The following DNAH1 variants were observed in gnomAD, a reference collection of about 807,000 sequenced individuals.
The protein encoded by DNAH1 is dynein axonemal heavy chain 1.
Under a neutral mutation model 484.3 loss-of-function variants are expected in DNAH1, and 327 were observed. That is an observed-to-expected ratio of 0.68 (90% CI 0.62 to 0.74). The LOEUF is 0.74. DNAH1 is among the 30% of genes least tolerant of loss of function. DNAH1 has a pLI of 0.00. For missense variants in DNAH1, 5,052 were observed against 5,546.8 expected, an observed-to-expected ratio of 0.91 and a Z score of 2.83; for synonymous variants, 2,192 against 2,191.9, an observed-to-expected ratio of 1.00 and a Z score of 0.00.
intron 53 of DNAH1, 130 bp from the exon 54 acceptor site, chr3:52,385,197 TCTGGGGTCGG>T: frequency 9.8e-7 from 1 of 1,019,278 alleles, no homozygotes; most frequent in Non-Finnish European, 1.4e-6. Flanking sequence ...ATGCCCTTCC[TCTGGGGTCGG>T]CTGGGCAATG....
At chr3:52,340,221 T>G (rs1322520338) in intron 8 of DNAH1, among the ~76,000 whole-genome samples, 3 of 152,138 alleles carry the variant, frequency 2.0e-5, no homozygotes, top group African/African-American at 7.2e-5. Context: ...TAGCTGGGAC[T>G]ACAGGCATGT....
rs1430619528 is a variant in DNAH1, at chr3:52,353,160, A to G, written c.3085A>G (p.Thr1029Ala). The change falls in exon 19 of 78, where the codon ACA becomes GCA. Residue 1029 changes from threonine to alanine, a missense_variant. Thr to Ala is a moderately conservative substitution (Grantham distance 58). This residue lies in a region of DNAH1 where 2,929 missense variants were observed against 3,409.4 expected (regional missense o/e 0.86). Coordinates refer to ENST00000420323, the MANE Select transcript of DNAH1 (RefSeq NM_015512.5). The surrounding 1 kb of genome is among the most constrained non-coding windows in gnomAD (Gnocchi z 5.0). ...EFQPYLDLWTTASDWLRWSES... is the reference protein window; with the variant it reads ...EFQPYLDLWTAASDWLRWSES... Reference sequence around the variant, plus strand: ...CCAACCCTACCTGGACCTTTGGACCACAGCGTCTGACTGGCTGCGCTGGTC... The same window carrying G: ...CCAACCCTACCTGGACCTTTGGACCGCAGCGTCTGACTGGCTGCGCTGGTC... 6.2e-7 allele frequency: 1 copy of G among 1,614,004 alleles called. No individual in the cohort carries two copies. The highest frequency in any genetic ancestry group is 8.5e-7 in the Non-Finnish European group (1 of 1,179,894).
At chr3:52,322,313 TG>T in intron 1 of DNAH1, 95 bp from the exon 2 acceptor site, 1 of 786,852 alleles carries the variant, frequency 1.3e-6, no homozygotes, top group Non-Finnish European at 2.0e-6. Context: ...GGTCATGGGC[TG>T]GGGCTTGTGG....
intron 13 of DNAH1, 38 bp from the exon 14 acceptor site, chr3:52,349,157 C>T (rs765821708): frequency 1.2e-5 from 19 of 1,611,698 alleles, no homozygotes; most frequent in Admixed American, 5.0e-5. Flanking sequence ...ACCCTGCTCA[C>T]CATCCTCTGC....
Position 52,379,851 on chromosome 3 carries a change from G to A in DNAH1, c.7378-54G>A. On this transcript the variant is annotated intron_variant, in intron 47 of 77. Transcript: ENST00000420323. This position sits in a 1 kb window ranked among gnomAD's most constrained non-coding sequence, Gnocchi z 4.4. ...CCCTCCCTTGCCTGGTGGTTTGAGA[G>A]ATAGCTGAGGGCTTGGGGGCCAAGG... 1 of 1,487,644 alleles carries A rather than the reference G, an allele frequency of 6.7e-7. No homozygotes were observed. The highest frequency in any genetic ancestry group is 9.1e-7 in the Non-Finnish European group (1 of 1,099,712). 92.2% of individuals were successfully genotyped at this position (1,487,644 alleles called of 1,614,324 possible).
intron 56 of DNAH1, among the ~76,000 whole-genome samples, chr3:52,387,492 CA>C (rs2153225403): frequency 6.6e-6 from 1 of 152,332 alleles, no homozygotes; most frequent in Non-Finnish European, 1.5e-5. Flanking sequence ...GTGTCAGTAT[CA>C]GGCCCTGGGC....
chr3:52,362,818 A>T lies in DNAH1; in HGVS notation c.5095-177A>T, dbSNP rs139304269. Among the ~76,000 whole-genome samples the T allele has an allele frequency of 3.3e-5, 5 of 152,250 alleles. No homozygotes were observed. The highest frequency in any genetic ancestry group is 1.2e-4 in the African/African-American group (5 of 41,532). On this transcript the variant is annotated intron_variant, in intron 31 of 77. Transcript: ENST00000420323. The surrounding 1 kb of genome is among the most constrained non-coding windows in gnomAD (Gnocchi z 5.1). Reference sequence around the variant, plus strand: ...GTCATGTGGGGGCAGGTTTGGATCAACACCAAGGATCCACTCTAATGGCAG... The same window carrying T: ...GTCATGTGGGGGCAGGTTTGGATCATCACCAAGGATCCACTCTAATGGCAG...
rs556372594 is a variant in DNAH1 at position 52,322,468 on chromosome 3, A to G, written c.26A>G (p.Tyr9Cys). 6.2e-7 allele frequency: 1 copy of G among 1,612,510 alleles called. No homozygotes were observed. Among genetic ancestry groups the G allele is most frequent in the African/African-American group, 1.3e-5 (1 of 74,926 alleles). ...ATGGAGCAGCCTAACAGTAAAGGCT[A>G]TAGCCTGGGAAGGACCCCTCAGGGC... MEQPNSKG[Y>C]SLGRTPQGPE... The change falls in exon 2 of 78, where the codon TAT becomes TGT. Residue 9 changes from tyrosine (Y) to cysteine (C), a missense_variant. Around this residue, in one of 4 missense-constraint regions of DNAH1, gnomAD observed 1,263 missense variants for 1,218.8 expected, o/e 1.04. Coordinates refer to ENST00000420323, the MANE Select transcript of DNAH1 (RefSeq NM_015512.5).
rs570920116 is a variant in DNAH1 at position 52,397,365 on chromosome 3, G to A, written c.11787+321G>A. 8.5e-5 allele frequency among the ~76,000 whole-genome samples: 13 copies of A among 152,290 alleles called. No individual in the cohort carries two copies. In the South Asian group the frequency reaches 2.7e-3, roughly 32 times the overall value. On this transcript the variant is annotated intron_variant, in intron 73 of 77. Transcript: ENST00000420323. ...CAGGGAGGGCTGCCACAGAAATGAT[G>A]CTTCCCCTAAGATGTGTGAGGAGAA...
Position 52,344,503 on chromosome 3 carries a change from C to G in DNAH1, c.1300C>G (p.Leu434Val), listed in dbSNP as rs1342526237. 2 of 1,613,808 alleles carry G rather than the reference C, an allele frequency of 1.2e-6. No individual in the cohort carries two copies. Among genetic ancestry groups the G allele is most frequent in the Non-Finnish European group, 1.7e-6 (2 of 1,179,822 alleles). Residue 434 changes from leucine (L) to valine (V), a missense_variant, in exon 9 of 78, where the codon CTC becomes GTC. By Grantham distance (32) the Leu-to-Val change is conservative. Transcript: ENST00000420323. ...CTCTATGGGCAGGGTTCTAGAGCAC[C>G]TCAGCAGTCTTGCCAGAGAAGTGAG... ...MRKGPSVLEH[L>V]SSLAREVSLD...
At chr3:52,363,172 G>T in intron 32 of DNAH1, 28 bp downstream of exon 32, 1 of 1,608,232 alleles carries the variant, frequency 6.2e-7, no homozygotes, top group Non-Finnish European at 8.5e-7. Flanking sequence ...TGGGTTTCCA[G>T]GGTCTGAAAA....
chr3:52,388,672 C>T, intron 58 of DNAH1, 63 bp downstream of exon 58: 1 of 1,609,760 alleles, frequency 6.2e-7, no homozygotes, highest in Non-Finnish European at 8.5e-7. Flanking sequence ...CCAGAAAGGA[C>T]CAGGGCGCCG....
intron 52 of DNAH1, 86 bp from the exon 53 acceptor site, chr3:52,384,700 G>C (rs1704017942): frequency 4.3e-6 from 6 of 1,393,290 alleles, no homozygotes; most frequent in Non-Finnish European, 4.8e-6. Context: ...CCCCTCCTCG[G>C]CCCAGGTTGC....
intron 8 of DNAH1, among the ~76,000 whole-genome samples, chr3:52,341,412 T>G (rs1701935347): frequency 6.6e-6 from 1 of 151,906 alleles, no homozygotes; most frequent in Non-Finnish European, 1.5e-5. Context: ...AAGAAGCAGC[T>G]GGTAAAATAT....
intron 26 of DNAH1, among the ~76,000 whole-genome samples, 194 bp downstream of exon 26, chr3:52,359,580 C>T (rs1012615245): frequency 6.6e-6 from 1 of 152,198 alleles, no homozygotes; most frequent in Non-Finnish European, 1.5e-5. Flanking sequence ...GGCGATGCCC[C>T]CTCTGCAAGG....
At chr3:52,338,962 A>G (rs1201801968) in intron 8 of DNAH1, among the ~76,000 whole-genome samples, 1 of 151,112 alleles carries the variant, frequency 6.6e-6, no homozygotes, top group Non-Finnish European at 1.5e-5. Flanking sequence ...TGAACCTAGG[A>G]GGCAGAGCTT....
At chr3:52,331,106 CCATGGCGGGGGG>C in intron 6 of DNAH1, 30 bp from the exon 7 acceptor site, 1 of 1,553,714 alleles carries the variant, frequency 6.4e-7, no homozygotes, top group Non-Finnish European at 8.7e-7. Flanking sequence ...CTTCCTGCCC[CCATGGCGGGGGG>C]CACTGGTGGA....
chr3:52,332,411 C>A lies in DNAH1; in HGVS notation c.1286+17C>A. On this transcript the variant is annotated intron_variant, in intron 8 of 77. Transcript: ENST00000420323. ...AGGCCCCTCGTGAGTCCCCGCTCGGCCTTCCCTATTCTGGGCATCACCTTC... is the reference window on the plus strand; with the variant it reads ...AGGCCCCTCGTGAGTCCCCGCTCGGACTTCCCTATTCTGGGCATCACCTTC... The A allele has an allele frequency of 1.2e-6, 2 of 1,608,502 alleles. No homozygotes were observed. Among genetic ancestry groups the A allele is most frequent in the Non-Finnish European group, 1.7e-6 (2 of 1,178,472 alleles).
chr3:52,348,839 A>AC (rs1349848103), intron 12 of DNAH1, 49 bp from the exon 13 acceptor site: 1 of 1,582,682 alleles, frequency 6.3e-7, no homozygotes, highest in Non-Finnish European at 8.6e-7. Flanking sequence ...CTGCTCATTC[A>AC]CCCCCTGGCT....
Sources: gnomAD v4.1 joint callset for allele counts (sites outside exome capture counted in the v4.1 genomes callset) on GRCh38, gnomAD v4.1.1 for gene constraint, gnomAD v4.1.1 regional missense constraint, Gnocchi (gnomAD v3.1) non-coding constraint, MANE v1.5 for transcripts, NCBI Gene and HGNC (gene_info 2026-07-23, HGNC 2026-07-21) for gene names.